Variants in DDHD1 observed in about 807,000 individuals in gnomAD.
DDHD1 encodes phospholipase DDHD1.
In DDHD1, 49 loss-of-function variants were observed where a neutral mutation model predicts 96.4. The ratio of observed to expected loss-of-function variants is 0.51; its 90% confidence interval spans 0.40 to 0.64. The LOEUF (loss-of-function observed/expected upper bound fraction) is 0.64. DDHD1 is among the 30% of genes least tolerant of loss of function. The pLI, the probability that DDHD1 is intolerant of heterozygous loss-of-function variation, is 0.00. For synonymous variants in DDHD1, 442 were observed against 446.5 expected (o/e 0.99, Z 0.13); for missense variants, 1,106 against 1,161.2 (o/e 0.95, Z 0.69).
At chr14:53,141,841 G>C (rs145394110) in intron 1 of DDHD1, among the ~76,000 whole-genome samples, 265 of 152,280 alleles carry the variant, frequency 1.7e-3, no homozygotes, top group African/African-American at 6.2e-3. Flanking sequence ...TGTATATATG[G>C]TTATCAAGTA....
At position 53,153,199 on chromosome 14, in the gene DDHD1, T is replaced by C; in HGVS notation, c.-101A>G. ...CGCCGCCCTCTCCACCCGAAGTTTCTAATCTTTCAAATCCCGACCCGAGCT... is the reference window on the plus strand; with the variant it reads ...CGCCGCCCTCTCCACCCGAAGTTTCCAATCTTTCAAATCCCGACCCGAGCT... On this transcript the variant is annotated 5_prime_UTR_variant, in exon 1 of 13. Transcript: ENST00000673822. 1.8e-6 allele frequency: 2 copies of C among 1,099,344 alleles called. No homozygotes were observed. Among genetic ancestry groups the C allele is most frequent in the South Asian group, 2.3e-5 (1 of 44,350 alleles). 68.1% of individuals were successfully genotyped at this position (1,099,344 alleles called of 1,614,324 possible). A position where few individuals can be genotyped will look rare whatever the true frequency, so the allele number is the denominator to read the frequency against.
In DDHD1 at chr14:53,053,237, A is replaced by C. The variant is rs570794088; in HGVS notation, c.2437+1201T>G. On this transcript the variant is annotated intron_variant, in intron 11 of 12. Coordinates refer to ENST00000673822, the MANE Select transcript of DDHD1 (RefSeq NM_001160148.2). ...TCTTGACATCTGCATGTCACGACAG[A>C]ATTTTGTATTTTCACAATCACATTT... is the stretch of plus-strand genomic sequence containing the variant. 5 of 152,206 alleles carry C rather than the reference A, an allele frequency of 3.3e-5. No homozygotes were observed. The South Asian group carries it at 1.0e-3, about 32-fold the overall frequency. 9.4% of individuals were successfully genotyped at this position (152,206 alleles called of 1,614,324 possible). A position where few individuals can be genotyped will look rare whatever the true frequency, so the allele number is the denominator to read the frequency against.
intron 1 of DDHD1, among the ~76,000 whole-genome samples, chr14:53,112,340 C>T (rs1036915162): frequency 6.6e-6 from 1 of 151,940 alleles, no homozygotes; most frequent in Admixed American, 6.6e-5. Flanking sequence ...TCGCTTGAAC[C>T]CAGAAGGCAG....
chr14:53,152,818 G>C lies in DDHD1; in HGVS notation c.281C>G (p.Ala94Gly). Residue 94 changes from alanine (A) to glycine (G), a missense_variant, in exon 1 of 13, where the codon GCC (alanine) becomes GGC (glycine). Physicochemically the swap from Ala to Gly is moderately conservative, Grantham distance 60. Around this residue, in one of 2 missense-constraint regions of DDHD1, gnomAD observed 456 missense variants for 402.4 expected, o/e 1.13. Coordinates refer to ENST00000673822, the MANE Select transcript of DDHD1 (RefSeq NM_001160148.2). Reference protein sequence around the residue: ...LSDENYDFSSAESGSSLRYYS... With the variant: ...LSDENYDFSSGESGSSLRYYS... ...GTAGCGCAGCGAGGAGCCCGACTCG[G>C]CGGAGCTGAAGTCATAGTTCTCGTC... 6.2e-7 allele frequency: 1 copy of C among 1,611,838 alleles called. No individual in the cohort carries two copies.
rs1445549171 is a variant in DDHD1 at position 53,044,464 on chromosome 14, T to A, written c.*2304A>T. ...TCATATTCTAGTGGTTAAGAATAAA[T>A]CCCTTCAAGTTCTTATGCATTTGAG... On this transcript the variant is annotated 3_prime_UTR_variant, in exon 13 of 13. Coordinates refer to ENST00000673822, the MANE Select transcript of DDHD1 (RefSeq NM_001160148.2). 1 of 152,142 alleles carries A rather than the reference T, an allele frequency of 6.6e-6. No individual in the cohort carries two copies. Among genetic ancestry groups the A allele is most frequent in the South Asian group, 2.1e-4 (1 of 4,824 alleles). 9.4% of individuals were successfully genotyped at this position (152,142 alleles called of 1,614,324 possible).
At chr14:53,090,636 A>G (rs1257818562) in intron 4 of DDHD1, among the ~76,000 whole-genome samples, 1 of 152,174 alleles carries the variant, frequency 6.6e-6, no homozygotes, top group Non-Finnish European at 1.5e-5. Context: ...AGAAAACCAA[A>G]CACCGTATGT....
intron 1 of DDHD1, among the ~76,000 whole-genome samples, chr14:53,122,214 G>A (rs1889049929): frequency 6.6e-6 from 1 of 152,172 alleles, no homozygotes. Context: ...ACCTTCTCAT[G>A]AGCTGCTTCC....
At chr14:53,100,949 A>T (rs1195686194) in intron 2 of DDHD1, among the ~76,000 whole-genome samples, 4 of 152,222 alleles carry the variant, frequency 2.6e-5, no homozygotes, top group Non-Finnish European at 5.9e-5. Context: ...AACTGTTTTC[A>T]TCTGTTGGCT....
chr14:53,131,531 C>G (rs189839777), intron 1 of DDHD1, among the ~76,000 whole-genome samples: 2 of 152,116 alleles, frequency 1.3e-5, no homozygotes, highest in Admixed American at 6.5e-5. Context: ...TTATTCTGTT[C>G]TGGATCTCAA....
At chr14:53,137,651 T>C (rs1890333711) in intron 1 of DDHD1, among the ~76,000 whole-genome samples, 1 of 151,984 alleles carries the variant, frequency 6.6e-6, no homozygotes, top group African/African-American at 2.4e-5. Context: ...TACAGGGCAA[T>C]ATCAAAATGT....
intron 2 of DDHD1, chr14:53,102,958 T>C (rs1887416925): frequency 1.4e-6 from 2 of 1,443,612 alleles, no homozygotes; most frequent in East Asian, 2.5e-5. Flanking sequence ...CTAGCATGGA[T>C]GAAGAAACGG....
At chr14:53,144,667 C>T (rs1227534235) in intron 1 of DDHD1, among the ~76,000 whole-genome samples, 1 of 152,190 alleles carries the variant, frequency 6.6e-6, no homozygotes, top group African/African-American at 2.4e-5. Flanking sequence ...ACATGAGATA[C>T]CCTGGGCCTA....
chr14:53,054,753 G>A (rs1040352084), intron 10 of DDHD1, 124 bp from the exon 11 acceptor site: 1 of 803,042 alleles, frequency 1.2e-6, no homozygotes, highest in African/African-American at 1.7e-5. Flanking sequence ...TTTCCAGGGT[G>A]GGAACATAAG....
At chr14:53,079,382 A>C (rs1388752198) in intron 4 of DDHD1, among the ~76,000 whole-genome samples, 1 of 151,702 alleles carries the variant, frequency 6.6e-6, no homozygotes, top group African/African-American at 2.4e-5. Flanking sequence ...ATAGCCTGGA[A>C]CTCCTGCTTT....
chr14:53,094,640 T>C (rs1161574724), intron 2 of DDHD1, among the ~76,000 whole-genome samples: 1 of 150,066 alleles, frequency 6.7e-6, no homozygotes, highest in African/African-American at 2.5e-5. Context: ...AGGAGTTTGA[T>C]AGCAGCCTGG....
chr14:53,087,800 A>AGTT (rs1303181232), intron 4 of DDHD1, among the ~76,000 whole-genome samples: 1 of 152,232 alleles, frequency 6.6e-6, no homozygotes, highest in Non-Finnish European at 1.5e-5. Context: ...AAGGCAAGAA[A>AGTT]TAACTAAGAT....
intron 8 of DDHD1, among the ~76,000 whole-genome samples, chr14:53,059,792 G>A (rs1440911986): frequency 1.4e-5 from 2 of 147,274 alleles, no homozygotes; most frequent in African/African-American, 5.0e-5. Flanking sequence ...TGAATCGGAG[G>A]GGCGGAGGTT....
intron 1 of DDHD1, among the ~76,000 whole-genome samples, chr14:53,124,448 G>T (rs77274883): frequency 6.6e-6 from 1 of 152,026 alleles, no homozygotes; most frequent in African/African-American, 2.4e-5. Context: ...TATTTAGCTT[G>T]GCTGCTAAGT....
rs1881566436 is a variant in DDHD1, at chr14:53,040,361, T to C, written c.*6407A>G. 1 of 152,186 alleles carries C rather than the reference T, an allele frequency of 6.6e-6. No homozygotes were observed. Among genetic ancestry groups the C allele is most frequent in the Admixed American group, 6.6e-5 (1 of 15,258 alleles). The allele number at this position is 152,186 out of a possible 1,614,324, so 9.4% of individuals were successfully genotyped here. A position where few individuals can be genotyped will look rare whatever the true frequency, so the allele number is the denominator to read the frequency against. ...GCCACAGCTGATGCATAGGGAGATC[T>C]TTCAATTTTCATAAACTTTTTGGAA... On this transcript the variant is annotated 3_prime_UTR_variant, in exon 13 of 13. Transcript: ENST00000673822.
Sources: allele counts gnomAD v4.1 joint callset (sites outside exome capture counted in the v4.1 genomes callset), GRCh38; gene constraint gnomAD v4.1.1; regional missense constraint gnomAD v4.1.1; transcripts MANE v1.5; gene names NCBI Gene and HGNC (gene_info 2026-07-23, HGNC 2026-07-21).